The following CDH12 variants were observed in gnomAD, a reference collection of about 807,000 sequenced individuals.
CDH12 encodes the protein cadherin-12.
Under a neutral mutation model 74.1 loss-of-function variants are expected in CDH12, and 41 were observed. The ratio of observed to expected loss-of-function variants is 0.55; its 90% CI spans 0.43 to 0.72. The LOEUF (loss-of-function observed/expected upper bound fraction) is 0.72, where lower values mean the gene tolerates loss of function less well. Among genes scored for constraint, CDH12 ranks in the 30% least tolerant of loss-of-function variants. The pLI is 0.00. For synonymous variants in CDH12, 399 were observed against 355.0 expected, an observed-to-expected ratio of 1.12 and a Z score of -1.39; for missense variants, 945 against 977.2, an observed-to-expected ratio of 0.97 and a Z score of 0.44.
intron 3 of CDH12, among the ~76,000 whole-genome samples, chr5:22,291,501 G>A (rs541518004): frequency 1.4e-4 from 21 of 152,200 alleles, no homozygotes; most frequent in East Asian, 7.7e-4. Context: ...TAGTATTTCC[G>A]TAAAGTTGCA....
At chr5:22,848,312 C>T (rs1737397629) in intron 1 of CDH12, among the ~76,000 whole-genome samples, 1 of 152,094 alleles carries the variant, frequency 6.6e-6, no homozygotes, top group Non-Finnish European at 1.5e-5. Context: ...GTTTTATCTA[C>T]TTAATCAATC....
chr5:22,542,096 A>G (rs1298926218), intron 1 of CDH12, among the ~76,000 whole-genome samples: 1 of 152,224 alleles, frequency 6.6e-6, no homozygotes, highest in African/African-American at 2.4e-5. Context: ...TGCTTTTAAA[A>G]GATGGTATTT....
At chr5:21,842,779 A>C (rs1387817164) in intron 7 of CDH12, among the ~76,000 whole-genome samples, 1 of 152,114 alleles carries the variant, frequency 6.6e-6, no homozygotes, top group Non-Finnish European at 1.5e-5. Flanking sequence ...TAGAGTAAAA[A>C]TACTAATTTC....
At chr5:22,328,942 A>C (rs912286459) in intron 3 of CDH12, among the ~76,000 whole-genome samples, 2 of 152,196 alleles carry the variant, frequency 1.3e-5, no homozygotes, top group African/African-American at 4.8e-5. Flanking sequence ...GAGCCCACTA[A>C]AATTTAAATT....
chr5:22,755,574 A>C (rs1406112841), intron 1 of CDH12, among the ~76,000 whole-genome samples: 2 of 152,186 alleles, frequency 1.3e-5, no homozygotes, highest in African/African-American at 2.4e-5. Flanking sequence ...GAAGAAAAAT[A>C]AAGCCAATAT....
chr5:22,039,781 C>A (rs1465285877), intron 5 of CDH12, among the ~76,000 whole-genome samples: 2 of 151,876 alleles, frequency 1.3e-5, no homozygotes, highest in African/African-American at 4.8e-5. Flanking sequence ...AATGAGTCAC[C>A]ATGCCCTTTC....
At chr5:22,795,691 T>C (rs1323238759) in intron 1 of CDH12, among the ~76,000 whole-genome samples, 3 of 151,622 alleles carry the variant, frequency 2.0e-5, no homozygotes, top group Non-Finnish European at 4.4e-5. Flanking sequence ...GGTGGAAGCA[T>C]ACATACACTG....
intron 1 of CDH12, among the ~76,000 whole-genome samples, chr5:22,829,160 G>T (rs1736468308): frequency 6.6e-6 from 1 of 152,130 alleles, no homozygotes; most frequent in Non-Finnish European, 1.5e-5. Flanking sequence ...GCATACTATA[G>T]TGAGGAAAAT....
chr5:22,031,231 G>A (rs1257595614), intron 5 of CDH12, among the ~76,000 whole-genome samples: 2 of 152,104 alleles, frequency 1.3e-5, no homozygotes. Flanking sequence ...CTACTTAGGA[G>A]TCTGAGGCAG....
intron 1 of CDH12, among the ~76,000 whole-genome samples, chr5:22,538,176 T>C (rs1395797667): frequency 3.3e-5 from 5 of 152,276 alleles, no homozygotes. Flanking sequence ...TTTCTTTCTC[T>C]CTCTTTCATT....
intron 1 of CDH12, among the ~76,000 whole-genome samples, chr5:22,604,520 G>A (rs1737001817): frequency 6.6e-6 from 1 of 152,114 alleles, no homozygotes; most frequent in South Asian, 2.1e-4. Flanking sequence ...CTTTAAAAGG[G>A]AAGGATATTA....
At chr5:22,752,977 A>G (rs1291137334) in intron 1 of CDH12, among the ~76,000 whole-genome samples, 1 of 152,078 alleles carries the variant, frequency 6.6e-6, no homozygotes, top group African/African-American at 2.4e-5. Flanking sequence ...GTTAAATGTC[A>G]CAAGAAAATA....
chr5:21,985,341 T>C (rs2150130615), intron 5 of CDH12, among the ~76,000 whole-genome samples: 3 of 152,232 alleles, frequency 2.0e-5, no homozygotes, highest in South Asian at 4.1e-4. Context: ...AGGTCTGTCC[T>C]ACTTAATACG....
At position 21,751,888 on chromosome 5, in the gene CDH12, C is replaced by G. The variant is rs1430419745; in HGVS notation, c.2234G>C (p.Gly745Ala). Reference protein sequence around the residue: ...SLATYAYEGSGSVAESLSSID... With the variant: ...SLATYAYEGSASVAESLSSID... ...AGAGCTGAGGGACTCTGCCACGGAC[C>G]CACTCCCTTCGTAGGCATATGTGGC... Residue 745 changes from glycine to alanine, a missense_variant, in exon 15 of 15, where the codon GGG becomes GCG. Coordinates refer to ENST00000382254, the MANE Select transcript of CDH12 (RefSeq NM_004061.5). 6.2e-7 allele frequency: 1 copy of G among 1,613,926 alleles called. No individual in the cohort carries two copies. Among genetic ancestry groups the G allele is most frequent in the South Asian group, 1.1e-5 (1 of 91,068 alleles).
intron 3 of CDH12, among the ~76,000 whole-genome samples, chr5:22,232,673 T>C (rs1321856851): frequency 6.6e-6 from 1 of 151,484 alleles, no homozygotes; most frequent in Non-Finnish European, 1.5e-5. Context: ...AAATACTTCA[T>C]CATCATAGTT....
chr5:22,071,868 T>A (rs1741961845), intron 5 of CDH12, among the ~76,000 whole-genome samples: 1 of 152,158 alleles, frequency 6.6e-6, no homozygotes, highest in African/African-American at 2.4e-5. Flanking sequence ...TGTCATTTTT[T>A]ATTCTTCCCT....
In CDH12 at chr5:22,105,044, C is replaced by T. The variant is rs113191464; in HGVS notation, c.-186-26182G>A. ...ACACGATATGCTCCCTGTGACTTCA[C>T]ATCATCTTTCCCTGCGCGTATGTCT... On this transcript the variant is annotated intron_variant, in intron 4 of 14. Coordinates refer to ENST00000382254, the MANE Select transcript of CDH12 (RefSeq NM_004061.5). 1.2e-3 allele frequency among the ~76,000 whole-genome samples: 179 copies of T among 152,060 alleles called. 1 individual carries two copies. Among genetic ancestry groups the T allele is most frequent in the Admixed American group, 3.1e-3 (47 of 15,262 alleles).
intron 12 of CDH12, among the ~76,000 whole-genome samples, chr5:21,763,118 A>C (rs751571682): frequency 2.0e-4 from 30 of 152,300 alleles, no homozygotes; most frequent in Non-Finnish European, 3.5e-4. Flanking sequence ...CCGATCCAAA[A>C]TTAACGATGC....
At chr5:21,813,203 G>T (rs1276417337) in intron 9 of CDH12, among the ~76,000 whole-genome samples, 1 of 152,120 alleles carries the variant, frequency 6.6e-6, no homozygotes, top group East Asian at 1.9e-4. Context: ...GCGAGGCCAG[G>T]TGTGGTGGCT....
Sources: allele counts gnomAD v4.1 joint callset (sites outside exome capture counted in the v4.1 genomes callset), GRCh38; gene constraint gnomAD v4.1.1; transcripts MANE v1.5; gene names NCBI Gene and HGNC (gene_info 2026-07-23, HGNC 2026-07-21).